The following SERPINB2 variants were observed in gnomAD, a reference collection of about 807,000 sequenced individuals.
The protein encoded by SERPINB2 is plasminogen activator inhibitor 2.
Under a neutral mutation model 39.4 loss-of-function variants are expected in SERPINB2, and 28 were observed. The observed-to-expected ratio is 0.71, with a 90% CI of 0.53 to 0.97. The LOEUF (loss-of-function observed/expected upper bound fraction) is 0.97. Ranked by LOEUF, SERPINB2 falls within the 50% of genes least tolerant of loss-of-function variation. The pLI is 0.00. For synonymous variants in SERPINB2, 209 were observed against 175.1 expected (o/e 1.19, Z -1.53); for missense variants, 557 against 505.3 (o/e 1.10, Z -0.98).
chr18:63,892,281 T>C (rs1224341011), intron 2 of SERPINB2, among the ~76,000 whole-genome samples: 1 of 152,126 alleles, frequency 6.6e-6, no homozygotes, highest in Non-Finnish European at 1.5e-5. Context: ...AACATCATTG[T>C]GAGGGATTTC....
intron 5 of SERPINB2, among the ~76,000 whole-genome samples, chr18:63,901,396 T>C (rs903860440): frequency 2.6e-5 from 4 of 152,188 alleles, no homozygotes; most frequent in Non-Finnish European, 5.9e-5. Context: ...AAGGCACTAT[T>C]ATATTCCCTA....
chr18:63,896,915 A>C (rs2049962791), intron 3 of SERPINB2, among the ~76,000 whole-genome samples, 176 bp from the exon 4 acceptor site: 1 of 152,244 alleles, frequency 6.6e-6, no homozygotes, highest in South Asian at 2.1e-4. Flanking sequence ...ATTAGTTTTA[A>C]TGTACCACAT....
intron 3 of SERPINB2, among the ~76,000 whole-genome samples, chr18:63,896,155 C>T (rs1389528630): frequency 2.6e-5 from 4 of 152,150 alleles, no homozygotes; most frequent in Non-Finnish European, 2.9e-5. Context: ...GCTCCTTCTA[C>T]CCATTGCCCA....
At chr18:63,897,333 A>C in intron 4 of SERPINB2, 114 bp downstream of exon 4, 1 of 1,303,402 alleles carries the variant, frequency 7.7e-7, no homozygotes, top group South Asian at 1.5e-5. Context: ...ATTCCACACC[A>C]GCTCCCTAGG....
intron 3 of SERPINB2, among the ~76,000 whole-genome samples, chr18:63,895,823 T>C (rs2049956063): frequency 6.6e-6 from 1 of 152,220 alleles, no homozygotes; most frequent in Admixed American, 6.5e-5. Flanking sequence ...CTTCTATCTA[T>C]CTAATCTATC....
rs376346521 is a variant in SERPINB2, at chr18:63,891,509, C to G, written c.65C>G (p.Ala22Gly). Residue 22 changes from alanine to glycine, a missense_variant, in exon 2 of 8, where the codon GCA (alanine) becomes GGA (glycine). Coordinates refer to ENST00000299502, the MANE Select transcript of SERPINB2 (RefSeq NM_002575.3). Reference protein sequence around the residue: ...ALNLFKHLAKASPTQNLFLSP... With the variant: ...ALNLFKHLAKGSPTQNLFLSP... ...AATTTATTCAAGCATCTGGCAAAAG[C>G]AAGCCCCACCCAGAACCTCTTCCTC... 1.6e-5 allele frequency: 26 copies of G among 1,614,066 alleles called. No individual in the cohort carries two copies. Among genetic ancestry groups the G allele is most frequent in the Middle Eastern group, 3.3e-4 (2 of 6,084 alleles).
At position 63,891,496 on chromosome 18, in the gene SERPINB2, C is replaced by T. The variant is rs765071783; in HGVS notation, c.52C>T (p.His18Tyr). Reference sequence around the variant, plus strand: ...ACTCTTTGCCCTCAATTTATTCAAGCATCTGGCAAAAGCAAGCCCCACCCA... The same window carrying T: ...ACTCTTTGCCCTCAATTTATTCAAGTATCTGGCAAAAGCAAGCCCCACCCA... ...NTLFALNLFKHLAKASPTQNL... is the reference protein window; with the variant it reads ...NTLFALNLFKYLAKASPTQNL... Residue 18 changes from histidine to tyrosine, a missense_variant, in exon 2 of 8, where the codon CAT (histidine) becomes TAT (tyrosine). Coordinates refer to ENST00000299502, the MANE Select transcript of SERPINB2 (RefSeq NM_002575.3). 1 of 1,614,182 alleles carries T rather than the reference C, an allele frequency of 6.2e-7. No homozygotes were observed. The highest frequency in any genetic ancestry group is 2.2e-5 in the East Asian group (1 of 44,882).
rs192334033 is a variant in SERPINB2, at chr18:63,891,646, A to C, written c.168+34A>C. ...GAGCTGAAGCTCCACATTTGGGCCG[A>C]GTAGTTCCTGAATGGAATTGGAGAA... On this transcript the variant is annotated intron_variant, in intron 2 of 7. Transcript: ENST00000299502. The C allele has an allele frequency of 1.4e-3, 2,224 of 1,595,206 alleles. 32 individuals carry two copies. In the African/African-American group the frequency reaches 0.026, roughly 19 times the overall value.
Position 63,903,880 on chromosome 18 carries a change from AAAC to A in SERPINB2, c.*581_*583del, listed in dbSNP as rs1433377780. ...GTATATAATAAATAAACCTGCTTCC[AAAC>A]AACAATACATTTGTTGTCATTTCAT... On this transcript the variant is annotated 3_prime_UTR_variant, in exon 8 of 8. Coordinates refer to ENST00000299502, the MANE Select transcript of SERPINB2 (RefSeq NM_002575.3). 1 of 152,180 alleles carries A rather than the reference AAAC, an allele frequency of 6.6e-6. No homozygotes were observed. The highest frequency in any genetic ancestry group is 1.5e-5 in the Non-Finnish European group (1 of 68,038). The allele number at this position is 152,180 out of a possible 1,614,324, so 9.4% of individuals were successfully genotyped here.
intron 3 of SERPINB2, among the ~76,000 whole-genome samples, chr18:63,896,016 T>A (rs1314955410): frequency 6.6e-6 from 1 of 152,250 alleles, no homozygotes; most frequent in Non-Finnish European, 1.5e-5. Context: ...TCCTTAAATG[T>A]CAGCTATCCA....
chr18:63,902,318 G>T (rs2049996895), intron 6 of SERPINB2, 86 bp from the exon 7 acceptor site: 3 of 1,248,222 alleles, frequency 2.4e-6, no homozygotes, highest in African/African-American at 3.0e-5. Flanking sequence ...CTACACTAAA[G>T]TAGAACCAAT....
Position 63,895,351 on chromosome 18 carries a change from C to A in SERPINB2, c.256C>A (p.Gln86Lys). ...FTSCGFMQQI[Q>K]KGSYPDAILQ... ...CAGCTGTGGGTTCATGCAGCAGATC[C>A]AGAAGGGTAGTTATCCTGATGCGAT... The change falls in exon 3 of 8, where the codon CAG becomes AAG. Residue 86 changes from glutamine (Q) to lysine (K), a missense_variant. Gln to Lys is a moderately conservative substitution (Grantham distance 53). Coordinates refer to ENST00000299502, the MANE Select transcript of SERPINB2 (RefSeq NM_002575.3). 3.1e-6 allele frequency: 5 copies of A among 1,614,104 alleles called. No individual in the cohort carries two copies. The highest frequency in any genetic ancestry group is 4.2e-6 in the Non-Finnish European group (5 of 1,179,994).
intron 2 of SERPINB2, 124 bp from the exon 3 acceptor site, chr18:63,895,140 T>A: frequency 9.1e-7 from 1 of 1,099,204 alleles, no homozygotes; most frequent in African/African-American, 1.6e-5. Context: ...TCTATGGTTG[T>A]TCCCCATGTA....
chr18:63,893,301 T>C (rs2049938579), intron 2 of SERPINB2, among the ~76,000 whole-genome samples: 1 of 152,226 alleles, frequency 6.6e-6, no homozygotes, highest in Non-Finnish European at 1.5e-5. Context: ...AATGAAGTGC[T>C]CTGGGTTGTT....
intron 1 of SERPINB2, chr18:63,890,221 A>T (rs190811682): frequency 3.1e-4 from 47 of 152,286 alleles, no homozygotes; most frequent in African/African-American, 9.4e-4. Flanking sequence ...AAAAAAAAAG[A>T]GTTCATGAAT....
intron 2 of SERPINB2, among the ~76,000 whole-genome samples, chr18:63,893,430 T>C (rs1209862045): frequency 3.5e-5 from 5 of 142,162 alleles, no homozygotes; most frequent in African/African-American, 7.9e-5. Flanking sequence ...GGATTCTATA[T>C]AGTCTTTTTT....
chr18:63,890,800 TA>T (rs899466592), intron 1 of SERPINB2: 27 of 152,494 alleles, frequency 1.8e-4, no homozygotes, highest in African/African-American at 6.3e-4. Flanking sequence ...GGTTCTGGGA[TA>T]GGGGCTGGGT....
Position 63,897,119 on chromosome 18 carries a change from C to A in SERPINB2, c.317C>A (p.Ser106Tyr), listed in dbSNP as rs1026386750. 6.2e-7 allele frequency: 1 copy of A among 1,613,054 alleles called. No homozygotes were observed. Among genetic ancestry groups the A allele is most frequent in the East Asian group, 2.2e-5 (1 of 44,838 alleles). Residue 106 changes from serine (S) to tyrosine (Y), a missense_variant, in exon 4 of 8, where the codon TCC becomes TAC. Coordinates refer to ENST00000299502, the MANE Select transcript of SERPINB2 (RefSeq NM_002575.3). ...CAAGCTGCAGATAAAATCCATTCAT[C>A]CTTCCGCTCTCTCAGCTCTGCAATC... Reference protein sequence around the residue: ...QAQAADKIHSSFRSLSSAINA... With the variant: ...QAQAADKIHSYFRSLSSAINA...
chr18:63,897,993 C>T, intron 5 of SERPINB2, 149 bp downstream of exon 5: 2 of 627,858 alleles, frequency 3.2e-6, no homozygotes, highest in Admixed American at 3.0e-5. Flanking sequence ...TCCTGATTAG[C>T]TCAGTGGTGT....
Sources: allele counts gnomAD v4.1 joint callset (sites outside exome capture counted in the v4.1 genomes callset), GRCh38; gene constraint gnomAD v4.1.1; transcripts MANE v1.5; gene names NCBI Gene and HGNC (gene_info 2026-07-23, HGNC 2026-07-21).